The following SDK1 variants were observed in gnomAD, a reference collection of about 807,000 sequenced individuals.
SDK1 encodes the protein sidekick cell adhesion molecule 1.
A neutral mutation model predicts 245.5 loss-of-function variants in SDK1; 157 were observed. The ratio of observed to expected loss-of-function variants is 0.64; its 90% CI spans 0.56 to 0.73. The LOEUF (loss-of-function observed/expected upper bound fraction) is 0.73, where lower values mean the gene tolerates loss of function less well. Among genes scored for constraint, SDK1 ranks in the 30% least tolerant of loss-of-function variants. The pLI, the probability that SDK1 is intolerant of heterozygous loss-of-function variation, is 0.00. For missense variants in SDK1, 3,583 were observed against 3,002.3 expected, an observed-to-expected ratio of 1.19 and a Z score of -4.52; for synonymous variants, 1,647 against 1,278.5, an observed-to-expected ratio of 1.29 and a Z score of -6.15.
At chr7:3,436,343 G>T (rs1780021374) in intron 1 of SDK1, among the ~76,000 whole-genome samples, 1 of 151,856 alleles carries the variant, frequency 6.6e-6, no homozygotes. Context: ...GTGCAATATT[G>T]GTTTTCATTG....
intron 27 of SDK1, among the ~76,000 whole-genome samples, chr7:4,130,696 G>A (rs1294385387): frequency 6.6e-6 from 1 of 152,172 alleles, no homozygotes; most frequent in Non-Finnish European, 1.5e-5. Flanking sequence ...TTGTTTTCAT[G>A]GAACTCTAAA....
chr7:3,672,761 A>T (rs868790098), intron 4 of SDK1, among the ~76,000 whole-genome samples: 885 of 52,530 alleles, frequency 0.017, 16 homozygotes, highest in African/African-American at 0.07. Context: ...ATATAATTTT[A>T]TATATATATA....
intron 1 of SDK1, among the ~76,000 whole-genome samples, chr7:3,315,224 G>C (rs1779635992): frequency 6.6e-6 from 1 of 152,204 alleles, no homozygotes; most frequent in Non-Finnish European, 1.5e-5. Flanking sequence ...AATGAGGTTA[G>C]AGTTCTTTGT....
At chr7:4,249,853 T>A (rs927405411) in intron 44 of SDK1, among the ~76,000 whole-genome samples, 2 of 152,182 alleles carry the variant, frequency 1.3e-5, no homozygotes, top group Admixed American at 6.5e-5. Context: ...TGAACCACTG[T>A]TTGAAACAGC....
chr7:4,145,672 T>A (rs754881204), intron 28 of SDK1, 50 bp from the exon 29 acceptor site: 27 of 1,529,410 alleles, frequency 1.8e-5, no homozygotes, highest in Non-Finnish European at 2.4e-5. Flanking sequence ...GGCTTCCCTG[T>A]GCCGTGGGTG....
intron 17 of SDK1, among the ~76,000 whole-genome samples, chr7:4,036,796 C>T (rs1301073522): frequency 6.6e-6 from 1 of 152,150 alleles, no homozygotes; most frequent in Non-Finnish European, 1.5e-5. Context: ...AGGCCCTCAC[C>T]AGACACTGAA....
chr7:4,162,063 C>T (rs921906309), intron 32 of SDK1, among the ~76,000 whole-genome samples: 1 of 152,012 alleles, frequency 6.6e-6, no homozygotes, highest in African/African-American at 2.4e-5. Flanking sequence ...ACATTAGAAG[C>T]AGGACTGTGA....
chr7:3,491,194 G>T (rs1035387825), intron 1 of SDK1, among the ~76,000 whole-genome samples: 2 of 152,238 alleles, frequency 1.3e-5, no homozygotes, highest in South Asian at 2.1e-4. Flanking sequence ...GGGATCTACA[G>T]TTAGGTGCCC....
chr7:4,233,702 G>A (rs887803272), intron 41 of SDK1, among the ~76,000 whole-genome samples: 13 of 152,252 alleles, frequency 8.5e-5, no homozygotes, highest in African/African-American at 2.6e-4. Flanking sequence ...CAGCTTAGTT[G>A]AGGTTCTGCC....
At chr7:4,218,223 G>A (rs1009909971) in intron 38 of SDK1, among the ~76,000 whole-genome samples, 1 of 152,088 alleles carries the variant, frequency 6.6e-6, no homozygotes, top group Admixed American at 6.6e-5. Flanking sequence ...GGCCAACATG[G>A]TGAAACTAAA....
chr7:3,413,185 G>C (rs1779259974), intron 1 of SDK1, among the ~76,000 whole-genome samples: 1 of 152,150 alleles, frequency 6.6e-6, no homozygotes, highest in Non-Finnish European at 1.5e-5. Flanking sequence ...GGCAGTAGCA[G>C]GAACAACAAC....
chr7:3,597,790 G>C (rs556429727), intron 1 of SDK1, among the ~76,000 whole-genome samples: 1 of 152,150 alleles, frequency 6.6e-6, no homozygotes, highest in African/African-American at 2.4e-5. Context: ...CCATCAAAAT[G>C]TCTGTGAGAT....
intron 42 of SDK1, among the ~76,000 whole-genome samples, chr7:4,240,134 T>C (rs117534921): frequency 1.2e-3 from 183 of 152,314 alleles, no homozygotes; most frequent in Middle Eastern, 3.4e-3. Flanking sequence ...TTTCCTGAGT[T>C]AATGCTATTA....
intron 5 of SDK1, among the ~76,000 whole-genome samples, chr7:3,931,811 T>C (rs1246945406): frequency 6.6e-6 from 1 of 152,208 alleles, no homozygotes; most frequent in Admixed American, 6.5e-5. Context: ...CAAGTGAAAT[T>C]TTTAAAGAAA....
rs537233066 is a variant in SDK1, at chr7:3,915,081, C to G, written c.848-35842C>G. 1.3e-3 allele frequency among the ~76,000 whole-genome samples: 192 copies of G among 152,318 alleles called. 1 individual carries two copies. Among genetic ancestry groups the G allele is most frequent in the African/African-American group, 4.2e-3 (176 of 41,578 alleles). ...TTATTCTCTTGTACGGCCGTGGAAT[C>G]TGAGAGCTTTCAATTAGCCCCTAAG... On this transcript the variant is annotated intron_variant, in intron 5 of 44. Coordinates refer to ENST00000404826, the MANE Select transcript of SDK1 (RefSeq NM_152744.4).
At chr7:3,984,573 C>T (rs1222481437) in intron 13 of SDK1, among the ~76,000 whole-genome samples, 1 of 152,184 alleles carries the variant, frequency 6.6e-6, no homozygotes, top group African/African-American at 2.4e-5. Context: ...AGCCTGTTCA[C>T]ATCTTATAGC....
intron 35 of SDK1, among the ~76,000 whole-genome samples, chr7:4,204,661 A>T (rs967191725): frequency 6.6e-6 from 1 of 152,054 alleles, no homozygotes; most frequent in African/African-American, 2.4e-5. Context: ...GTCCGTAAAG[A>T]CACTCAGTCA....
chr7:3,646,700 T>C (rs188864658), intron 4 of SDK1, among the ~76,000 whole-genome samples: 3 of 152,038 alleles, frequency 2.0e-5, no homozygotes, highest in African/African-American at 7.3e-5. Context: ...CTAGTCTTTC[T>C]CATCATTTAG....
At chr7:3,764,093 A>G (rs533945109) in intron 4 of SDK1, among the ~76,000 whole-genome samples, 2 of 152,172 alleles carry the variant, frequency 1.3e-5, no homozygotes, top group Admixed American at 6.5e-5. Flanking sequence ...GGTCAAAGCT[A>G]TGAGTAGTAT....
Sources: gnomAD v4.1 joint callset for allele counts (sites outside exome capture counted in the v4.1 genomes callset) on GRCh38, gnomAD v4.1.1 for gene constraint, MANE v1.5 for transcripts, NCBI Gene and HGNC (gene_info 2026-07-23, HGNC 2026-07-21) for gene names.